The following FMNL1 variants were observed in gnomAD, a reference collection of about 807,000 sequenced individuals.
FMNL1 encodes the protein formin-like protein 1.
FMNL1 carries 43 observed loss-of-function variants against 121.3 expected under a neutral mutation model. That is an observed-to-expected ratio of 0.35 (90% CI 0.28 to 0.46). The LOEUF (loss-of-function observed/expected upper bound fraction) is 0.46. FMNL1 is among the 20% of genes least tolerant of loss of function. FMNL1 has a pLI of 1.00. For missense variants in FMNL1, 1,191 were observed against 1,482.4 expected (o/e 0.80, Z 3.23); for synonymous variants, 613 against 613.5 (o/e 1.00, Z 0.01).
At chr17:45,245,210 C>G (rs748372395) in intron 21 of FMNL1, 43 bp from the exon 22 acceptor site, 10 of 1,613,080 alleles carry the variant, frequency 6.2e-6, no homozygotes, top group South Asian at 1.1e-5. Context: ...GGAGGGCTGC[C>G]TCTCCGATTC....
At chr17:45,235,875 T>C (rs1202021305) in intron 6 of FMNL1, among the ~76,000 whole-genome samples, 1 of 152,214 alleles carries the variant, frequency 6.6e-6, no homozygotes, top group Non-Finnish European at 1.5e-5. Context: ...CCCATGTCTC[T>C]TCCTTCTATA....
Position 45,241,757 on chromosome 17 carries a change from C to G in FMNL1, c.1586-90C>G. On this transcript the variant is annotated intron_variant, in intron 14 of 26. Transcript: ENST00000331495. The surrounding 1 kb of genome is among the most constrained non-coding windows in gnomAD (Gnocchi z 7.0). ...ATTGTAGGCTCGGCTCAGGTAGGAGCGCATGCGTAGAGCGGAGAGGCGGAG... is the reference window on the plus strand; with the variant it reads ...ATTGTAGGCTCGGCTCAGGTAGGAGGGCATGCGTAGAGCGGAGAGGCGGAG... The G allele has an allele frequency of 2.8e-6, 4 of 1,426,466 alleles. No individual in the cohort carries two copies. Among genetic ancestry groups the G allele is most frequent in the Non-Finnish European group, 3.7e-6 (4 of 1,094,452 alleles). The allele number at this position is 1,426,466 out of a possible 1,614,324, so 88.4% of individuals were successfully genotyped here.
At chr17:45,234,329 A>G in intron 6 of FMNL1, 129 bp downstream of exon 6, 2 of 1,487,916 alleles carry the variant, frequency 1.3e-6, no homozygotes, top group Non-Finnish European at 1.8e-6. Flanking sequence ...GGTCCGAGTA[A>G]GGGACTCATA....
Position 45,243,977 on chromosome 17 carries a change from A to G in FMNL1, c.2400A>G (p.Thr800=), listed in dbSNP as rs1371622664. Residue 800 remains threonine (T), a synonymous_variant, in exon 18 of 27, where the codon ACA becomes ACG. Transcript: ENST00000331495. ...CGCGCCTGCCGGAGCGCATGACCAC[A>G]CTCACCTTCCTGGGCAACTTCCCGG... ...RIPRLPERMT[T]LTFLGNFPDT... 1 of 1,612,522 alleles carries G rather than the reference A, an allele frequency of 6.2e-7. No homozygotes were observed.
rs756839810 is a variant in FMNL1, at chr17:45,240,551, G to A, written c.1156G>A (p.Ala386Thr). ...CCTGGACAATATTTTTGATGTGGGG[G>A]CGCTGCTGGAGGACACAGAGACCAA... Reference protein sequence around the residue: ...AYLDNIFDVGALLEDTETKNA... With the variant: ...AYLDNIFDVGTLLEDTETKNA... Residue 386 changes from alanine to threonine, a missense_variant, in exon 12 of 27, where the codon GCG (alanine) becomes ACG (threonine). Physicochemically the swap from Ala to Thr is moderately conservative, Grantham distance 58. Around this residue, in one of 4 missense-constraint regions of FMNL1, gnomAD observed 519 missense variants for 492.8 expected, o/e 1.05. Coordinates refer to ENST00000331495, the MANE Select transcript of FMNL1 (RefSeq NM_005892.4). 3.7e-6 allele frequency: 6 copies of A among 1,613,876 alleles called. No homozygotes were observed. In the Admixed American group the frequency reaches 1.0e-4, roughly 27 times the overall value.
intron 1 of FMNL1, among the ~76,000 whole-genome samples, chr17:45,228,591 C>T (rs1020398064): frequency 6.6e-6 from 1 of 152,218 alleles, no homozygotes; most frequent in African/African-American, 2.4e-5. Flanking sequence ...GGGTGGAAGG[C>T]AGTCGTCGGC....
chr17:45,243,250 G>T lies in FMNL1; in HGVS notation c.2143G>T (p.Ala715Ser). ...GGCGACACTCATTGAGGCCAACCGG[G>T]CCAAGAACTTGGCCATCACCCTGCG... ...SKATLIEANR[A>S]KNLAITLRKG... The change falls in exon 17 of 27, where the codon GCC becomes TCC. Residue 715 changes from alanine (A) to serine (S), a missense_variant. Coordinates refer to ENST00000331495, the MANE Select transcript of FMNL1 (RefSeq NM_005892.4). 3 of 1,614,074 alleles carry T rather than the reference G, an allele frequency of 1.9e-6. No individual in the cohort carries two copies. Among genetic ancestry groups the T allele is most frequent in the Non-Finnish European group, 2.5e-6 (3 of 1,179,988 alleles).
Position 45,234,000 on chromosome 17 carries a change from T to G in FMNL1, c.486-72T>G. 6 of 1,570,228 alleles carry G rather than the reference T, an allele frequency of 3.8e-6. No homozygotes were observed. The highest frequency in any genetic ancestry group is 5.2e-6 in the Non-Finnish European group (6 of 1,157,194). On this transcript the variant is annotated intron_variant, in intron 5 of 26. Transcript: ENST00000331495. The surrounding 1 kb of genome is among the most constrained non-coding windows in gnomAD (Gnocchi z 4.1). ...TCTCACCTGCAGGTCTGTCTCTCCT[T>G]GCGTTTCCTCTGCCCCCTCTTAAGT...
chr17:45,237,379 T>A lies in FMNL1; in HGVS notation c.800+22T>A. 6.2e-7 allele frequency: 1 copy of A among 1,613,896 alleles called. No individual in the cohort carries two copies. The highest frequency in any genetic ancestry group is 8.5e-7 in the Non-Finnish European group (1 of 1,179,798). ...CCAGGTGAGGTCCAGGCCCCAAACCTTTCTCCGTATCTAGAGTCTTCTCCT... is the reference window on the plus strand; with the variant it reads ...CCAGGTGAGGTCCAGGCCCCAAACCATTCTCCGTATCTAGAGTCTTCTCCT... On this transcript the variant is annotated intron_variant, in intron 8 of 26. Coordinates refer to ENST00000331495, the MANE Select transcript of FMNL1 (RefSeq NM_005892.4). The surrounding 1 kb of genome is among the most constrained non-coding windows in gnomAD (Gnocchi z 4.4).
intron 17 of FMNL1, among the ~76,000 whole-genome samples, 169 bp downstream of exon 17, chr17:45,243,489 A>G (rs1436862787): frequency 6.6e-6 from 1 of 152,178 alleles, no homozygotes; most frequent in Non-Finnish European, 1.5e-5. Context: ...AACTCAGTCC[A>G]TGCCTAAATT....
intron 1 of FMNL1, among the ~76,000 whole-genome samples, chr17:45,230,325 C>G (rs1318139824): frequency 6.6e-6 from 1 of 152,306 alleles, no homozygotes; most frequent in Middle Eastern, 3.4e-3. Flanking sequence ...GCCTGCACAC[C>G]AGGCAGGCCA....
chr17:45,223,618 T>C (rs1344569143), intron 1 of FMNL1, among the ~76,000 whole-genome samples: 5 of 152,134 alleles, frequency 3.3e-5, no homozygotes, highest in South Asian at 4.1e-4. Flanking sequence ...TCCCCAAGCA[T>C]AGGACTTCAC....
intron 10 of FMNL1, 72 bp downstream of exon 10, chr17:45,238,710 G>C (rs1368565112): frequency 9.5e-6 from 15 of 1,580,616 alleles, no homozygotes; most frequent in Non-Finnish European, 1.2e-5. Flanking sequence ...CTAGGGTCCT[G>C]GGTGCTGGGC....
chr17:45,242,307 A>G (rs770368968), intron 15 of FMNL1, 34 bp from the exon 16 acceptor site: 1 of 1,609,664 alleles, frequency 6.2e-7, no homozygotes, highest in Non-Finnish European at 8.5e-7. Flanking sequence ...TAGTACCCCC[A>G]GTGCTCACCA....
At chr17:45,239,850 C>G (rs2043643737) in intron 11 of FMNL1, among the ~76,000 whole-genome samples, 1 of 146,896 alleles carries the variant, frequency 6.8e-6, no homozygotes, top group African/African-American at 2.6e-5. Flanking sequence ...GGCTAGAGTG[C>G]AGTGACACGA....
rs749253370 is a variant in FMNL1 at position 45,234,021 on chromosome 17, T to C, written c.486-51T>C. On this transcript the variant is annotated intron_variant, in intron 5 of 26. Coordinates refer to ENST00000331495, the MANE Select transcript of FMNL1 (RefSeq NM_005892.4). ...TCCTTGCGTTTCCTCTGCCCCCTCT[T>C]AAGTGGCCCCTGCAGTGTTGGCCTC... 4.4e-6 allele frequency: 7 copies of C among 1,601,720 alleles called. No homozygotes were observed. In the African/African-American group the frequency reaches 8.1e-5, roughly 18 times the overall value.
At position 45,227,046 on chromosome 17, in the gene FMNL1, T is replaced by C. The variant is rs2043342827; in HGVS notation, c.130-3558T>C. Among the ~76,000 whole-genome samples, 3 of 148,554 alleles carry C rather than the reference T, an allele frequency of 2.0e-5. No homozygotes were observed. In the South Asian group the frequency reaches 6.4e-4, roughly 32 times the overall value. ...AACTAAGGTTGAGACCATATAGAGG[T>C]GGGCAGGTGGCAGGGAGATGGATGG... On this transcript the variant is annotated intron_variant, in intron 1 of 26. Coordinates refer to ENST00000331495, the MANE Select transcript of FMNL1 (RefSeq NM_005892.4).
intron 1 of FMNL1, among the ~76,000 whole-genome samples, chr17:45,230,049 G>C (rs1441613194): frequency 2.0e-5 from 3 of 152,212 alleles, no homozygotes; most frequent in African/African-American, 7.2e-5. Context: ...ATGAGGAGAA[G>C]GCTGCTGTCC....
Position 45,245,728 on chromosome 17 carries a change from T to C in FMNL1, c.2989T>C (p.Tyr997His). The C allele has an allele frequency of 6.2e-7, 1 of 1,613,466 alleles. No homozygotes were observed. The highest frequency in any genetic ancestry group is 8.5e-7 in the Non-Finnish European group (1 of 1,179,724). ...CCTCTTTAGCCGCTTCATTAAGGCC[T>C]ACAAGGTATTCGGGTCTGGGGCAGG... ...FSLFSRFIKA[Y>H]KKAEQEVEQW... The change falls in exon 23 of 27, where the codon TAC (tyrosine) becomes CAC (histidine). Residue 997 changes from tyrosine (Y) to histidine (H), a missense_variant. By Grantham distance (83) the Tyr-to-His change is moderately conservative. Coordinates refer to ENST00000331495, the MANE Select transcript of FMNL1 (RefSeq NM_005892.4).
Sources: allele counts gnomAD v4.1 joint callset (sites outside exome capture counted in the v4.1 genomes callset), GRCh38; gene constraint gnomAD v4.1.1; regional missense constraint gnomAD v4.1.1; non-coding constraint Gnocchi (gnomAD v3.1); transcripts MANE v1.5; gene names NCBI Gene and HGNC (gene_info 2026-07-23, HGNC 2026-07-21).